Variants in ASCC3 observed in about 807,000 individuals in gnomAD.
The protein encoded by ASCC3 is activating signal cointegrator 1 complex subunit 3.
Under a neutral mutation model 256.3 loss-of-function variants are expected in ASCC3, and 158 were observed. The observed-to-expected ratio is 0.62, with a 90% confidence interval of 0.54 to 0.70. The LOEUF (loss-of-function observed/expected upper bound fraction) is 0.70. ASCC3 is among the 30% of genes least tolerant of loss of function. The pLI is 0.00. For missense variants in ASCC3, 2,259 were observed against 2,626.0 expected, an observed-to-expected ratio of 0.86 and a Z score of 3.05; for synonymous variants, 948 against 883.4, an observed-to-expected ratio of 1.07 and a Z score of -1.30.
chr6:100,674,766 T>C (rs1241242528), intron 14 of ASCC3, among the ~76,000 whole-genome samples: 2 of 151,932 alleles, frequency 1.3e-5, no homozygotes, highest in African/African-American at 4.8e-5. Context: ...CCCAAGTAGT[T>C]GGGACTACAG....
rs1221939289 is a variant in ASCC3 at position 100,634,832 on chromosome 6, G to A, written c.4123-3619C>T. On this transcript the variant is annotated intron_variant, in intron 25 of 41. Coordinates refer to ENST00000369162, the MANE Select transcript of ASCC3 (RefSeq NM_006828.4). Reference sequence around the variant, plus strand: ...GCCCAGAAGTTCAAGGCCAGTCTGGGCAACACAGCGAGACCCCATCTCCTC... The same window carrying A: ...GCCCAGAAGTTCAAGGCCAGTCTGGACAACACAGCGAGACCCCATCTCCTC... 2.1e-5 allele frequency among the ~76,000 whole-genome samples: 3 copies of A among 141,176 alleles called. No homozygotes were observed. The Admixed American group carries it at 2.2e-4, about 10-fold the overall frequency. 92.6% of individuals were successfully genotyped at this position (141,176 alleles called of 152,430 possible).
chr6:100,831,781 A>AT (rs1331557119), intron 4 of ASCC3, among the ~76,000 whole-genome samples: 1 of 152,198 alleles, frequency 6.6e-6, no homozygotes, highest in Non-Finnish European at 1.5e-5. Flanking sequence ...AAACATAAGA[A>AT]AATAATATGA....
chr6:100,554,369 C>T (rs555435894), intron 36 of ASCC3, among the ~76,000 whole-genome samples: 2 of 152,238 alleles, frequency 1.3e-5, no homozygotes, highest in Non-Finnish European at 2.9e-5. Flanking sequence ...CCTGGTTGCA[C>T]ATAAACATTA....
intron 13 of ASCC3, among the ~76,000 whole-genome samples, chr6:100,705,324 T>C (rs1778528108): frequency 6.6e-6 from 1 of 151,944 alleles, no homozygotes; most frequent in Non-Finnish European, 1.5e-5. Context: ...CTAAAACCCA[T>C]GGAATAGTAT....
chr6:100,594,476 C>A (rs557366068), intron 34 of ASCC3, among the ~76,000 whole-genome samples: 1 of 152,140 alleles, frequency 6.6e-6, no homozygotes, highest in South Asian at 2.1e-4. Flanking sequence ...GGTTTGCTTC[C>A]AGCTTTTGGG....
chr6:100,860,336 T>G (rs1773161085), intron 3 of ASCC3, among the ~76,000 whole-genome samples: 1 of 151,960 alleles, frequency 6.6e-6, no homozygotes, highest in Non-Finnish European at 1.5e-5. Flanking sequence ...TTTATATATT[T>G]TCTCCATAAA....
intron 8 of ASCC3, among the ~76,000 whole-genome samples, chr6:100,777,456 T>C (rs1231587402): frequency 6.6e-6 from 1 of 152,006 alleles, no homozygotes; most frequent in Non-Finnish European, 1.5e-5. Context: ...GTAGCTTACA[T>C]TCTAATTAGG....
At chr6:100,683,811 C>G (rs1254701249) in intron 13 of ASCC3, among the ~76,000 whole-genome samples, 1 of 151,784 alleles carries the variant, frequency 6.6e-6, no homozygotes, top group Non-Finnish European at 1.5e-5. Flanking sequence ...ATTTTATATA[C>G]TATTTTTAGT....
chr6:100,788,472 T>C (rs1769194517), intron 8 of ASCC3, among the ~76,000 whole-genome samples: 1 of 151,974 alleles, frequency 6.6e-6, no homozygotes, highest in Non-Finnish European at 1.5e-5. Context: ...CTATTTACCC[T>C]AGGAAAACAA....
intron 4 of ASCC3, among the ~76,000 whole-genome samples, chr6:100,825,695 G>A (rs1377238577): frequency 6.6e-6 from 1 of 152,126 alleles, no homozygotes; most frequent in Non-Finnish European, 1.5e-5. Context: ...CCTGAAGAGT[G>A]TTATCCAACT....
chr6:100,612,546 A>G (rs1452761025), intron 30 of ASCC3, among the ~76,000 whole-genome samples: 2 of 152,086 alleles, frequency 1.3e-5, no homozygotes, highest in Non-Finnish European at 1.5e-5. Context: ...CCACAGAAGA[A>G]TCATAAAAGT....
intron 2 of ASCC3, among the ~76,000 whole-genome samples, 171 bp downstream of exon 2, chr6:100,867,737 G>GT (rs1213397564): frequency 5.3e-5 from 8 of 152,100 alleles, no homozygotes; most frequent in Admixed American, 6.5e-5. Context: ...GATGCTAAAC[G>GT]TAAGTATTAC....
intron 4 of ASCC3, among the ~76,000 whole-genome samples, chr6:100,828,556 T>C (rs995361452): frequency 6.6e-6 from 1 of 152,300 alleles, no homozygotes; most frequent in East Asian, 1.9e-4. Flanking sequence ...CTCCTTCTGA[T>C]GTTCCGATGT....
rs545255150 is a variant in ASCC3 at position 100,776,993 on chromosome 6, T to C, written c.1396-9648A>G. 1.1e-4 allele frequency among the ~76,000 whole-genome samples: 17 copies of C among 152,204 alleles called. No individual in the cohort carries two copies. The South Asian group carries it at 3.3e-3, about 30-fold the overall frequency. ...CTCAAAATTTCAGAATTAGTGATGA[T>C]AGCCACTCCACACACTCCGTCCAAG... On this transcript the variant is annotated intron_variant, in intron 8 of 41. Coordinates refer to ENST00000369162, the MANE Select transcript of ASCC3 (RefSeq NM_006828.4).
At position 100,655,711 on chromosome 6, in the gene ASCC3, G is replaced by A; in HGVS notation, c.2811C>T (p.His937=). ...ATGAGTTTTCTACCTGATAAGCCTT[G>A]TGACTGATGCCATATGCTAATGGAT... The part of the protein sequence containing the change: ...RANPLAYGIS[H]KAYQIDPTLR... The change falls in exon 17 of 42, where the codon CAC becomes CAT. Residue 937 remains histidine (H), a synonymous_variant. Coordinates refer to ENST00000369162, the MANE Select transcript of ASCC3 (RefSeq NM_006828.4). 2 of 1,610,654 alleles carry A rather than the reference G, an allele frequency of 1.2e-6. No individual in the cohort carries two copies. The highest frequency in any genetic ancestry group is 8.5e-7 in the Non-Finnish European group (1 of 1,178,868).
At chr6:100,584,935 C>G (rs1312551506) in intron 36 of ASCC3, among the ~76,000 whole-genome samples, 2 of 152,206 alleles carry the variant, frequency 1.3e-5, no homozygotes, top group African/African-American at 4.8e-5. Flanking sequence ...TGTAGAGTTT[C>G]TGCCGAGAGA....
Position 100,629,162 on chromosome 6 carries a change from C to A in ASCC3, c.4228G>T (p.Asp1410Tyr). The change falls in exon 27 of 42, where the codon GAT (aspartate) becomes TAT (tyrosine). Residue 1410 changes from aspartate to tyrosine, a missense_variant. Coordinates refer to ENST00000369162, the MANE Select transcript of ASCC3 (RefSeq NM_006828.4). ...ATGGATTTCATATCAGGAGTCACAT[C>A]CCCTGTTAGTTCAATAACTCTGGAG... ...LGKKVIELTG[D>Y]VTPDMKSIAK... 6.2e-7 allele frequency: 1 copy of A among 1,613,388 alleles called. No homozygotes were observed. Among genetic ancestry groups the A allele is most frequent in the Admixed American group, 1.7e-5 (1 of 59,944 alleles).
rs547882452 is a variant in ASCC3, at chr6:100,716,493, G to C, written c.2080-960C>G. ...AAAATGACAATGATTTGGATTTTTT[G>C]TTTCATTAATGTAAACATTTTAAAA... On this transcript the variant is annotated intron_variant, in intron 12 of 41. Transcript: ENST00000369162. 2.6e-5 allele frequency among the ~76,000 whole-genome samples: 4 copies of C among 151,906 alleles called. No homozygotes were observed. The South Asian group carries it at 8.3e-4, about 32-fold the overall frequency.
intron 4 of ASCC3, among the ~76,000 whole-genome samples, chr6:100,830,445 A>G (rs1582930207): frequency 6.6e-6 from 1 of 152,312 alleles, no homozygotes; most frequent in Non-Finnish European, 1.5e-5. Context: ...CATGGTAGAC[A>G]ATCAGTATAT....
Sources: gnomAD v4.1 joint callset for allele counts (sites outside exome capture counted in the v4.1 genomes callset) on GRCh38, gnomAD v4.1.1 for gene constraint, MANE v1.5 for transcripts, NCBI Gene and HGNC (gene_info 2026-07-23, HGNC 2026-07-21) for gene names.